The following ZNF804A variants were observed in gnomAD, a reference collection of about 807,000 sequenced individuals.
ZNF804A encodes zinc finger protein 804A.
In ZNF804A, 2 loss-of-function variants were observed where a neutral mutation model predicts 16.5. The observed-to-expected ratio is 0.12, with a 90% CI of 0.05 to 0.38. The LOEUF (loss-of-function observed/expected upper bound fraction) is 0.38. Among genes scored for constraint, ZNF804A ranks in the 10% least tolerant of loss-of-function variants. ZNF804A has a pLI of 0.99. For synonymous variants in ZNF804A, 534 were observed against 489.6 expected (o/e 1.09, Z -1.20); for missense variants, 1,473 against 1,390.7 (o/e 1.06, Z -0.94).
At chr2:184,818,235 G>A (rs903449542) in intron 1 of ZNF804A, among the ~76,000 whole-genome samples, 3 of 151,998 alleles carry the variant, frequency 2.0e-5, no homozygotes, top group East Asian at 3.9e-4. Context: ...CAATCCACAA[G>A]AGACTGGGGG....
chr2:184,821,562 T>C (rs1287773482), intron 1 of ZNF804A, among the ~76,000 whole-genome samples: 1 of 151,940 alleles, frequency 6.6e-6, no homozygotes, highest in African/African-American at 2.4e-5. Flanking sequence ...AATTGAGAAA[T>C]AGGATCTAAT....
chr2:184,677,444 C>G (rs557776256), intron 1 of ZNF804A, among the ~76,000 whole-genome samples: 1 of 151,926 alleles, frequency 6.6e-6, no homozygotes, highest in African/African-American at 2.4e-5. Context: ...GTGGTGTAGA[C>G]AGTACACGGT....
intron 1 of ZNF804A, among the ~76,000 whole-genome samples, chr2:184,738,169 A>T (rs1311002449): frequency 6.6e-6 from 1 of 151,954 alleles, no homozygotes; most frequent in African/African-American, 2.4e-5. Flanking sequence ...GGAGAAATGG[A>T]AGCCAATGAA....
chr2:184,742,803 T>C (rs1400682166), intron 1 of ZNF804A, among the ~76,000 whole-genome samples: 1 of 151,662 alleles, frequency 6.6e-6, no homozygotes, highest in East Asian at 1.9e-4. Context: ...ACTATATGTG[T>C]GTGTATATAT....
At chr2:184,721,532 G>T (rs995118185) in intron 1 of ZNF804A, among the ~76,000 whole-genome samples, 60 of 152,070 alleles carry the variant, frequency 3.9e-4, no homozygotes, top group African/African-American at 1.4e-3. Flanking sequence ...ACCACAATGA[G>T]TTATCATCTT....
chr2:184,936,215 G>A lies in ZNF804A; in HGVS notation c.819G>A (p.Glu273=), dbSNP rs1210918125. ...CAGATGTGCTTTTGAGTTCTGAGGA[G>A]AAAACTAACTCTTTTCATCCACCAG... is the stretch of plus-strand genomic sequence containing the variant. ...SPTDVLLSSE[E]KTNSFHPPEA... is the part of the protein sequence containing the mutation. Residue 273 remains glutamate, a synonymous_variant, in exon 4 of 4, where the codon GAG becomes GAA. Transcript: ENST00000302277. 2 of 1,613,982 alleles carry A rather than the reference G, an allele frequency of 1.2e-6. No individual in the cohort carries two copies. The highest frequency in any genetic ancestry group is 4.5e-5 in the East Asian group (2 of 44,858).
chr2:184,809,142 G>T (rs1464521225), intron 1 of ZNF804A, among the ~76,000 whole-genome samples: 1 of 151,872 alleles, frequency 6.6e-6, no homozygotes, highest in African/African-American at 2.4e-5. Flanking sequence ...ATATCATGCT[G>T]TGTATGGCAT....
At chr2:184,715,865 A>G (rs1336236645) in intron 1 of ZNF804A, among the ~76,000 whole-genome samples, 3 of 152,160 alleles carry the variant, frequency 2.0e-5, no homozygotes, top group African/African-American at 7.2e-5. Flanking sequence ...TTAGTTTTTC[A>G]CTAAATCTGC....
intron 2 of ZNF804A, among the ~76,000 whole-genome samples, chr2:184,877,285 G>A (rs936577111): frequency 6.6e-6 from 1 of 151,976 alleles, no homozygotes; most frequent in Non-Finnish European, 1.5e-5. Flanking sequence ...ATTCTGTATA[G>A]ATTTACTAAT....
intron 1 of ZNF804A, among the ~76,000 whole-genome samples, chr2:184,784,024 A>G (rs920740054): frequency 3.3e-5 from 5 of 151,964 alleles, no homozygotes; most frequent in African/African-American, 1.2e-4. Context: ...CTTTCTAAAT[A>G]TTGTTTACTA....
intron 2 of ZNF804A, among the ~76,000 whole-genome samples, chr2:184,906,200 G>T (rs1312512581): frequency 6.6e-6 from 1 of 152,112 alleles, no homozygotes; most frequent in Non-Finnish European, 1.5e-5. Flanking sequence ...AGGTTAAGTT[G>T]CCCCTGTTTT....
Position 184,874,736 on chromosome 2 carries a change from C to T in ZNF804A, c.255+8224C>T, listed in dbSNP as rs142513763. On this transcript the variant is annotated intron_variant, in intron 2 of 3. Transcript: ENST00000302277. Reference sequence around the variant, plus strand: ...ATGTCTCTTTCTCTTTTATCATCTGCCCATACCAGCCTCTTTTTATTAATG... The same window carrying T: ...ATGTCTCTTTCTCTTTTATCATCTGTCCATACCAGCCTCTTTTTATTAATG... Among the ~76,000 whole-genome samples the T allele has an allele frequency of 8.0e-3, 1,221 of 152,216 alleles. 32 individuals are homozygous for T. The highest frequency in any genetic ancestry group is 0.052 in the East Asian group (267 of 5,176).
At chr2:184,905,505 T>C (rs1288716347) in intron 2 of ZNF804A, among the ~76,000 whole-genome samples, 3 of 152,150 alleles carry the variant, frequency 2.0e-5, no homozygotes, top group Non-Finnish European at 4.4e-5. Context: ...CTGAGAGATT[T>C]GCATGTGTCG....
chr2:184,653,779 C>T (rs906895705), intron 1 of ZNF804A, among the ~76,000 whole-genome samples: 1 of 152,168 alleles, frequency 6.6e-6, no homozygotes, highest in Non-Finnish European at 1.5e-5. Flanking sequence ...GGAATGCCCC[C>T]AGAAGGTTAT....
At chr2:184,740,187 TG>T (rs1383940054) in intron 1 of ZNF804A, among the ~76,000 whole-genome samples, 1 of 152,190 alleles carries the variant, frequency 6.6e-6, no homozygotes, top group Non-Finnish European at 1.5e-5. Context: ...TCATATTTTT[TG>T]TATATTCTTA....
chr2:184,836,018 T>C (rs1350465978), intron 1 of ZNF804A, among the ~76,000 whole-genome samples: 2 of 152,172 alleles, frequency 1.3e-5, no homozygotes, highest in Non-Finnish European at 2.9e-5. Context: ...AAATCCTAAC[T>C]TTGCCACTCA....
chr2:184,662,290 T>A (rs909621807), intron 1 of ZNF804A, among the ~76,000 whole-genome samples: 2 of 152,200 alleles, frequency 1.3e-5, no homozygotes, highest in Admixed American at 6.5e-5. Context: ...TTGAGATGAT[T>A]TGATCAGAAA....
chr2:184,713,981 G>A (rs997530583), intron 1 of ZNF804A, among the ~76,000 whole-genome samples: 3 of 151,890 alleles, frequency 2.0e-5, no homozygotes, highest in Admixed American at 6.6e-5. Context: ...ATTAAAAATA[G>A]GCTATGCAAT....
intron 2 of ZNF804A, among the ~76,000 whole-genome samples, chr2:184,882,140 T>C (rs564799570): frequency 2.6e-5 from 4 of 152,124 alleles, no homozygotes; most frequent in African/African-American, 9.6e-5. Context: ...GGGGTTCCTA[T>C]TATAATTTCA....
Sources: allele counts gnomAD v4.1 joint callset (sites outside exome capture counted in the v4.1 genomes callset), GRCh38; gene constraint gnomAD v4.1.1; transcripts MANE v1.5; gene names NCBI Gene and HGNC (gene_info 2026-07-23, HGNC 2026-07-21).